HARS2: variants seen among roughly 807,000 people sequenced by gnomAD.
HARS2 encodes histidyl-tRNA synthetase 2, mitochondrial.
Under a neutral mutation model 62.4 loss-of-function variants are expected in HARS2, and 40 were observed. The ratio of observed to expected loss-of-function variants is 0.64; its 90% confidence interval spans 0.50 to 0.83. The LOEUF is 0.83. Ranked by LOEUF, HARS2 falls within the 40% of genes least tolerant of loss-of-function variation. The probability of loss-of-function intolerance (pLI) is 0.00; values close to 1 mark genes in which losing one functional copy is unlikely to be tolerated. For missense variants in HARS2, 569 were observed against 626.4 expected (o/e 0.91, Z 0.98); for synonymous variants, 228 against 227.0 (o/e 1.00, Z -0.04).
At chr5:140,693,469 G>GCTTT in intron 1 of HARS2, 122 bp from the exon 2 acceptor site, 1 of 1,579,874 alleles carries the variant, frequency 6.3e-7, no homozygotes, top group South Asian at 1.1e-5. Context: ...ATGAAATGGT[G>GCTTT]CTTTGGCTTC....
rs776244877 is a variant in HARS2, at chr5:140,695,758, G to A, written c.546G>A (p.Gln182=). Residue 182 remains glutamine, a synonymous_variant, in exon 6 of 13, where the codon CAG becomes CAA. Coordinates refer to ENST00000230771, the MANE Select transcript of HARS2 (RefSeq NM_012208.4). ...TGTAGGATTTTGACATTGCTGGTCA[G>A]TTTGACCCTATGATCCCCGATGCAG... The part of the protein sequence containing the change: ...FCQCDFDIAG[Q]FDPMIPDAEC... The A allele has an allele frequency of 6.2e-7, 1 of 1,613,854 alleles. No individual in the cohort carries two copies. The highest frequency in any genetic ancestry group is 1.3e-5 in the African/African-American group (1 of 74,930).
rs1312825410 is a variant in HARS2, at chr5:140,695,830, A to T, written c.618A>T (p.Gly206=). Residue 206 remains glycine (G), a synonymous_variant, in exon 6 of 13, where the codon GGA becomes GGT. Coordinates refer to ENST00000230771, the MANE Select transcript of HARS2 (RefSeq NM_012208.4). The stretch of plus-strand genomic sequence containing the variant: ...AAATCCTAAGTGGATTGCAGTTGGG[A>T]GACTTTCTCATTAAGGTGAGGCCAG... ...MCEILSGLQL[G]DFLIKVNDRR... 6.2e-7 allele frequency: 1 copy of T among 1,609,360 alleles called. No homozygotes were observed. The highest frequency in any genetic ancestry group is 8.5e-7 in the Non-Finnish European group (1 of 1,175,682).
At chr5:140,696,483 G>T in intron 7 of HARS2, 38 bp from the exon 8 acceptor site, 1 of 1,458,830 alleles carries the variant, frequency 6.9e-7, no homozygotes, top group Non-Finnish European at 9.6e-7. Context: ...GAGAAAGAAA[G>T]ATCTTGGGGC....
chr5:140,698,272 C>T (rs898232726), intron 12 of HARS2, among the ~76,000 whole-genome samples, 194 bp downstream of exon 12: 4 of 152,128 alleles, frequency 2.6e-5, no homozygotes, highest in African/African-American at 7.2e-5. Context: ...AAATGAAATC[C>T]GAATGGGTAT....
chr5:140,698,434 T>C lies in HARS2; in HGVS notation c.1462-59T>C, dbSNP rs1759846882. 4 of 1,222,810 alleles carry C rather than the reference T, an allele frequency of 3.3e-6. No individual in the cohort carries two copies. In the South Asian group the frequency reaches 4.8e-5, roughly 15 times the overall value. The allele number at this position is 1,222,810 out of a possible 1,614,324, so 75.7% of individuals were successfully genotyped here. On this transcript the variant is annotated intron_variant, in intron 12 of 12. Transcript: ENST00000230771. ...GAGTAAAACAAATCTGGAAAAACAG[T>C]GGCTAAGGAGTTAGTATCACTTTCT...
rs772920292 is a variant in HARS2, at chr5:140,696,188, ATAAAC to A, written c.722_726del (p.Lys241ArgfsTer11). On this transcript the variant is annotated frameshift_variant, in exon 7 of 13. Coordinates refer to ENST00000230771, the MANE Select transcript of HARS2 (RefSeq NM_012208.4). LOFTEE classifies it high-confidence loss of function. ...TTCCGTGCCATCTGCTCCTCCATAGATAAACTAGACAAGGTAACAAAGAAGACATA... is the reference window on the plus strand; with the variant it reads ...TTCCGTGCCATCTGCTCCTCCATAGATAGACAAGGTAACAAAGAAGACATA... 6.2e-7 allele frequency: 1 copy of A among 1,608,738 alleles called. No individual in the cohort carries two copies. The highest frequency in any genetic ancestry group is 1.7e-4 in the Middle Eastern group (1 of 6,048).
In HARS2 at chr5:140,691,732, C is replaced by T. The variant is rs943838512; in HGVS notation, c.84C>T (p.Thr28=). 2 of 1,551,914 alleles carry T rather than the reference C, an allele frequency of 1.3e-6. No homozygotes were observed. The highest frequency in any genetic ancestry group is 4.9e-5 in the East Asian group (2 of 41,066). ...QLLRPPCASC[T]GAVRCQSQVA... is the part of the protein sequence containing the mutation. The stretch of plus-strand genomic sequence containing the variant: ...TGCGACCGCCCTGCGCTTCGTGCAC[C>T]GGGGCGGTCCGTTGCCAAAGCCAGG... The change falls in exon 1 of 13, where the codon ACC becomes ACT. Residue 28 remains threonine (T), a synonymous_variant. Transcript: ENST00000230771.
In HARS2 at chr5:140,697,356, C is replaced by T. The variant is rs749873170; in HGVS notation, c.1147C>T (p.Leu383Phe). The part of the protein sequence containing the change: ...PKGHKVPCVG[L>F]SIGVERIFYI... ...GGGCCACAAGGTGCCATGTGTGGGACTCAGCATTGGGGTTGAGCGAATCTT... is the reference window on the plus strand; with the variant it reads ...GGGCCACAAGGTGCCATGTGTGGGATTCAGCATTGGGGTTGAGCGAATCTT... Residue 383 changes from leucine to phenylalanine, a missense_variant, in exon 10 of 13, where the codon CTC (leucine) becomes TTC (phenylalanine). By Grantham distance (22) the Leu-to-Phe change is conservative. Transcript: ENST00000230771. 2.5e-6 allele frequency: 4 copies of T among 1,614,102 alleles called. No individual in the cohort carries two copies. Among genetic ancestry groups the T allele is most frequent in the Non-Finnish European group, 3.4e-6 (4 of 1,180,026 alleles).
chr5:140,693,555 C>T (rs1161016684), intron 1 of HARS2, 36 bp from the exon 2 acceptor site: 2 of 1,613,954 alleles, frequency 1.2e-6, no homozygotes, highest in Admixed American at 1.7e-5. Context: ...GGCCAGTGTC[C>T]AGAGAAGCCA....
intron 1 of HARS2, 40 bp downstream of exon 1, chr5:140,691,796 G>C: frequency 7.2e-7 from 1 of 1,385,784 alleles, no homozygotes; most frequent in Admixed American, 2.0e-5. Context: ...TCCCAGCAGG[G>C]TCTCCAGATC....
intron 10 of HARS2, 61 bp downstream of exon 10, chr5:140,697,467 G>A (rs1357223528): frequency 1.9e-6 from 3 of 1,611,400 alleles, no homozygotes; most frequent in Non-Finnish European, 2.5e-6. Flanking sequence ...GTTTCTGGAG[G>A]TGTAGTTGGA....
rs1759447065 is a variant in HARS2, at chr5:140,691,478, C to CT, written c.-169dup. 2.8e-6 allele frequency: 2 copies of CT among 715,136 alleles called. No homozygotes were observed. Among genetic ancestry groups the CT allele is most frequent in the Admixed American group, 4.6e-5 (2 of 43,904 alleles). 44.3% of individuals were successfully genotyped at this position (715,136 alleles called of 1,614,324 possible). A position where few individuals can be genotyped will look rare whatever the true frequency, so the allele number is the denominator to read the frequency against. ...GTGCCGAAGCTGGCTACTAAGGGAA[C>CT]TTGGGAGGATCCCACCTCAGCCTTC... On this transcript the variant is annotated 5_prime_UTR_variant, in exon 1 of 13. Coordinates refer to ENST00000230771, the MANE Select transcript of HARS2 (RefSeq NM_012208.4).
chr5:140,695,721 CT>C lies in HARS2; in HGVS notation c.526-12del. 1.9e-6 allele frequency: 3 copies of C among 1,613,254 alleles called. No homozygotes were observed. Among genetic ancestry groups the C allele is most frequent in the Non-Finnish European group, 2.5e-6 (3 of 1,179,190 alleles). On this transcript the variant is annotated splice_polypyrimidine_tract_variant and intron_variant, in intron 5 of 12. Transcript: ENST00000230771. ...CTGGATAATGGATGTTTTTTCCCATCTTTTTCTTTGCTGTAGGATTTTGACA... is the reference window on the plus strand; with the variant it reads ...CTGGATAATGGATGTTTTTTCCCATCTTTTCTTTGCTGTAGGATTTTGACA...
chr5:140,693,589 AG>A lies in HARS2; in HGVS notation c.109del, dbSNP rs753879089. On this transcript the variant is annotated splice_acceptor_variant, in intron 1 of 12. Transcript: ENST00000230771. LOFTEE classifies it high-confidence loss of function. ...CACATCTCACATTCATTCTTCTGCC[AG>A]GTTGCAGAGGCAGTGTTAACATCCC... 1 of 1,614,026 alleles carries A rather than the reference AG, an allele frequency of 6.2e-7. No homozygotes were observed. Among genetic ancestry groups the A allele is most frequent in the South Asian group, 1.1e-5 (1 of 91,080 alleles).
Position 140,694,233 on chromosome 5 carries a change from C to A in HARS2, c.352C>A (p.Leu118Met). ...YGEDSGLMYD[L>M]KDQGGELLSL... ...AGAGGACTCTGGGCTCATGTATGAT[C>A]TGAAGGATCAAGGTGGAGAGCTGTT... is the stretch of plus-strand genomic sequence containing the variant. The change falls in exon 4 of 13, where the codon CTG becomes ATG. Residue 118 changes from leucine to methionine, a missense_variant. Physicochemically the swap from Leu to Met is conservative, Grantham distance 15 (BLOSUM62 2). Coordinates refer to ENST00000230771, the MANE Select transcript of HARS2 (RefSeq NM_012208.4). 1.2e-6 allele frequency: 2 copies of A among 1,613,894 alleles called. No homozygotes were observed. The highest frequency in any genetic ancestry group is 1.7e-6 in the Non-Finnish European group (2 of 1,179,738).
chr5:140,697,923 C>T lies in HARS2; in HGVS notation c.1315-9C>T. ...TCTAAGTCCCTTACTCTGTCTTGAT[C>T]CTTTTCAGGCAGAGATGCTATACAA... is the stretch of plus-strand genomic sequence containing the variant. On this transcript the variant is annotated splice_polypyrimidine_tract_variant and intron_variant, in intron 11 of 12. Transcript: ENST00000230771. The T allele has an allele frequency of 6.2e-7, 1 of 1,613,018 alleles. No homozygotes were observed. The highest frequency in any genetic ancestry group is 2.2e-5 in the East Asian group (1 of 44,876).
Position 140,691,664 on chromosome 5 carries a change from C to G in HARS2, c.16C>G (p.Leu6Val), listed in dbSNP as rs1247935137. The G allele has an allele frequency of 6.4e-7, 1 of 1,550,718 alleles. No individual in the cohort carries two copies. The highest frequency in any genetic ancestry group is 8.7e-7 in the Non-Finnish European group (1 of 1,146,628). ...CTGCCGCGCGATGCCCCTGCTCGGA[C>G]TTCTTCCCAGGAGGGCCTGGGCTTC... MPLLGLLPRRAWASLL... is the reference protein window; with the variant it reads MPLLGVLPRRAWASLL... Residue 6 changes from leucine (L) to valine (V), a missense_variant, in exon 1 of 13, where the codon CTT becomes GTT. Physicochemically the swap from Leu to Val is conservative, Grantham distance 32 (BLOSUM62 1). Coordinates refer to ENST00000230771, the MANE Select transcript of HARS2 (RefSeq NM_012208.4).
In HARS2 at chr5:140,696,151, C is replaced by T; in HGVS notation, c.682C>T (p.Pro228Ser). The T allele has an allele frequency of 2.5e-6, 4 of 1,613,856 alleles. No homozygotes were observed. Among genetic ancestry groups the T allele is most frequent in the Non-Finnish European group, 3.4e-6 (4 of 1,179,892 alleles). The change falls in exon 7 of 13, where the codon CCT becomes TCT. Residue 228 changes from proline to serine, a missense_variant. By Grantham distance (74) the Pro-to-Ser change is moderately conservative. Coordinates refer to ENST00000230771, the MANE Select transcript of HARS2 (RefSeq NM_012208.4). The part of the protein sequence containing the change: ...VDGMFAVCGV[P>S]ESKFRAICSS... ...TGGGATGTTTGCTGTCTGTGGTGTT[C>T]CTGAAAGCAAGTTCCGTGCCATCTG...
In HARS2 at chr5:140,696,117, G is replaced by T. The variant is rs888412244; in HGVS notation, c.648G>T (p.Arg216=). The T allele has an allele frequency of 1.2e-6, 2 of 1,613,878 alleles. No homozygotes were observed. Among genetic ancestry groups the T allele is most frequent in the South Asian group, 2.2e-5 (2 of 91,084 alleles). The change falls in exon 7 of 13, where the codon CGG becomes CGT. Residue 216 remains arginine, a synonymous_variant. Coordinates refer to ENST00000230771, the MANE Select transcript of HARS2 (RefSeq NM_012208.4). ...GDFLIKVNDR[R]IVDGMFAVCG... is the part of the protein sequence containing the mutation. Reference sequence around the variant, plus strand: ...TGAGTTCTCAGGTAAATGACCGGCGGATTGTGGATGGGATGTTTGCTGTCT... The same window carrying T: ...TGAGTTCTCAGGTAAATGACCGGCGTATTGTGGATGGGATGTTTGCTGTCT...
Sources: allele counts gnomAD v4.1 joint callset (sites outside exome capture counted in the v4.1 genomes callset), GRCh38; gene constraint gnomAD v4.1.1; transcripts MANE v1.5; gene names NCBI Gene and HGNC (gene_info 2026-07-23, HGNC 2026-07-21).